CENPE: variants seen among roughly 807,000 people sequenced by gnomAD.
CENPE encodes centromere protein E.
Under a neutral mutation model 336.1 loss-of-function variants are expected in CENPE, and 145 were observed. The observed-to-expected ratio is 0.43, with a 90% CI of 0.38 to 0.50. The LOEUF is 0.50. Among genes scored for constraint, CENPE ranks in the 20% least tolerant of loss-of-function variants. The pLI, the probability that CENPE is intolerant of heterozygous loss-of-function variation, is 0.00. For synonymous variants in CENPE, 1,013 were observed against 984.8 expected (o/e 1.03, Z -0.54); for missense variants, 2,719 against 3,023.3 (o/e 0.90, Z 2.36).
chr4:103,180,903 T>C (rs1756274713), intron 12 of CENPE, among the ~76,000 whole-genome samples: 1 of 152,152 alleles, frequency 6.6e-6, no homozygotes. Flanking sequence ...CCATGATGGT[T>C]AAAACAAACT....
At chr4:103,151,137 A>T in intron 26 of CENPE, 82 bp downstream of exon 26, 1 of 1,300,218 alleles carries the variant, frequency 7.7e-7, no homozygotes. Context: ...CTATTTCTGG[A>T]TTTAGGTCTA....
intron 42 of CENPE, among the ~76,000 whole-genome samples, chr4:103,124,106 T>A (rs1253143941): frequency 6.6e-6 from 1 of 152,218 alleles, no homozygotes. Context: ...ATCATAGGTA[T>A]GGATGTATAG....
Position 103,182,863 on chromosome 4 carries a change from A to C in CENPE, c.862T>G (p.Leu288Val). Residue 288 changes from leucine (L) to valine (V), a missense_variant, in exon 11 of 49, where the codon TTA becomes GTA. Around this residue, in one of 5 missense-constraint regions of CENPE, gnomAD observed 117 missense variants for 215.8 expected, o/e 0.54. Transcript: ENST00000265148. ...GGFINYRDSK[L>V]TRILQNSLGG... ...AAGGAATTCTGGAGAATTCGTGTTA[A>C]CTTGCTATCTCGATAATTTATGAAA... 6.2e-7 allele frequency: 1 copy of C among 1,612,814 alleles called. No homozygotes were observed. The highest frequency in any genetic ancestry group is 1.7e-5 in the Admixed American group (1 of 59,960).
rs556526950 is a variant in CENPE, at chr4:103,195,801, A to G, written c.357+119T>C. On this transcript the variant is annotated intron_variant, in intron 4 of 48. Transcript: ENST00000265148. ...TGCCTTTCTTCTTTCCCCATGGATA[A>G]TCAAACAATAACTGTAAATCTACTT... 136 of 698,586 alleles carry G rather than the reference A, an allele frequency of 1.9e-4. 1 individual carries two copies. The South Asian group carries it at 2.2e-3, about 11-fold the overall frequency. The allele number at this position is 698,586 out of a possible 1,614,324, so 43.3% of individuals were successfully genotyped here.
chr4:103,177,608 G>T (rs112739628), intron 13 of CENPE, among the ~76,000 whole-genome samples: 47 of 152,130 alleles, frequency 3.1e-4, no homozygotes, highest in African/African-American at 1.1e-3. Context: ...TGAGTTGGGT[G>T]CCCAACAAGT....
At chr4:103,149,824 G>T (rs138128935) in intron 26 of CENPE, among the ~76,000 whole-genome samples, 82 of 152,266 alleles carry the variant, frequency 5.4e-4, no homozygotes, top group African/African-American at 1.8e-3. Flanking sequence ...AGTAAGGAAT[G>T]ATTCTTCCTT....
Position 103,145,620 on chromosome 4 carries a change from G to C in CENPE, c.4475C>G (p.Thr1492Ser). The C allele has an allele frequency of 1.2e-6, 2 of 1,609,556 alleles. No individual in the cohort carries two copies. Among genetic ancestry groups the C allele is most frequent in the South Asian group, 2.2e-5 (2 of 89,686 alleles). The change falls in exon 31 of 49, where the codon ACT becomes AGT. Residue 1492 changes from threonine to serine, a missense_variant. Transcript: ENST00000265148. Reference sequence around the variant, plus strand: ...AAGATTCACTCTTAACTCATTAATAGTTTCCTCTTGTTCTTTCAGGCAACA... The same window carrying C: ...AAGATTCACTCTTAACTCATTAATACTTTCCTCTTGTTCTTTCAGGCAACA... ...AHCCLKEQEE[T>S]INELRVNLSE...
rs1754346365 is a variant in CENPE at position 103,160,499 on chromosome 4, T to G, written c.2286+126A>C. On this transcript the variant is annotated intron_variant, in intron 21 of 48. Coordinates refer to ENST00000265148, the MANE Select transcript of CENPE (RefSeq NM_001813.3). Reference sequence around the variant, plus strand: ...TATATTCATTTCTATTTCTAACTAGTCAAAACGTTTACAGTATCTCTCTTG... The same window carrying G: ...TATATTCATTTCTATTTCTAACTAGGCAAAACGTTTACAGTATCTCTCTTG... 4.4e-6 allele frequency: 3 copies of G among 676,764 alleles called. No homozygotes were observed. In the South Asian group the frequency reaches 7.4e-5, roughly 17 times the overall value. 41.9% of individuals were successfully genotyped at this position (676,764 alleles called of 1,614,324 possible). A position where few individuals can be genotyped will look rare whatever the true frequency, so the allele number is the denominator to read the frequency against.
At chr4:103,167,553 A>T (rs1043196210) in intron 16 of CENPE, among the ~76,000 whole-genome samples, 5 of 152,230 alleles carry the variant, frequency 3.3e-5, no homozygotes, top group Admixed American at 6.5e-5. Flanking sequence ...GATGTCAAGA[A>T]GATGACAGAA....
In CENPE at chr4:103,176,060, G is replaced by T; in HGVS notation, c.1391-12C>A. ...CTCTGAACAGACAGCTATAATTAGA[G>T]AAAAAAAAAATTTGTCCATGAACAT... On this transcript the variant is annotated splice_polypyrimidine_tract_variant and intron_variant, in intron 14 of 48. Transcript: ENST00000265148. 1 of 1,439,342 alleles carries T rather than the reference G, an allele frequency of 6.9e-7. No individual in the cohort carries two copies. Among genetic ancestry groups the T allele is most frequent in the Non-Finnish European group, 9.3e-7 (1 of 1,069,796 alleles). The allele number at this position is 1,439,342 out of a possible 1,614,324, so 89.2% of individuals were successfully genotyped here. A position where few individuals can be genotyped will look rare whatever the true frequency, so the allele number is the denominator to read the frequency against.
intron 9 of CENPE, among the ~76,000 whole-genome samples, chr4:103,183,943 G>A (rs915460840): frequency 6.6e-6 from 1 of 151,708 alleles, no homozygotes; most frequent in African/African-American, 2.4e-5. Flanking sequence ...TTTCCATATC[G>A]GTAAACACTG....
At position 103,142,268 on chromosome 4, in the gene CENPE, C is replaced by T. The variant is rs540079880; in HGVS notation, c.5305-360G>A. On this transcript the variant is annotated intron_variant, in intron 34 of 48. Transcript: ENST00000265148. Reference sequence around the variant, plus strand: ...TACGTTGTGTTTGTATATACACACACACTCCTTTAACAGTATATATGTAGG... The same window carrying T: ...TACGTTGTGTTTGTATATACACACATACTCCTTTAACAGTATATATGTAGG... 3.3e-5 allele frequency among the ~76,000 whole-genome samples: 5 copies of T among 152,266 alleles called. No homozygotes were observed. In the East Asian group the frequency reaches 9.6e-4, roughly 29 times the overall value.
At chr4:103,120,445 A>G in intron 43 of CENPE, 112 bp from the exon 44 acceptor site, 1 of 836,648 alleles carries the variant, frequency 1.2e-6, no homozygotes, top group Non-Finnish European at 1.8e-6. Flanking sequence ...CACAGATTGT[A>G]TTAACAATGG....
intron 9 of CENPE, among the ~76,000 whole-genome samples, chr4:103,185,522 G>T (rs921546163): frequency 5.3e-5 from 8 of 151,766 alleles, no homozygotes; most frequent in African/African-American, 1.9e-4. Context: ...TATTTTGAAA[G>T]TTTAAATGGT....
At chr4:103,122,496 G>A (rs923514756) in intron 43 of CENPE, among the ~76,000 whole-genome samples, 4 of 152,086 alleles carry the variant, frequency 2.6e-5, no homozygotes, top group Non-Finnish European at 5.9e-5. Context: ...AATGAGAAAA[G>A]CTGAATTGCT....
At position 103,156,684 on chromosome 4, in the gene CENPE, G is replaced by C. The variant is rs143919593; in HGVS notation, c.3033+1616C>G. 6.6e-5 allele frequency among the ~76,000 whole-genome samples: 10 copies of C among 152,110 alleles called. No individual in the cohort carries two copies. In the East Asian group the frequency reaches 1.9e-3, roughly 29 times the overall value. The stretch of plus-strand genomic sequence containing the variant: ...TAAGGGTCTTGGCAATGATTTCTTG[G>C]ATATGACACCAAAACACAGGCAACA... On this transcript the variant is annotated intron_variant, in intron 24 of 48. Transcript: ENST00000265148.
intron 8 of CENPE, among the ~76,000 whole-genome samples, chr4:103,192,003 GGCAGAGGAGACT>G (rs1212061747): frequency 6.6e-6 from 1 of 152,038 alleles, no homozygotes; most frequent in Non-Finnish European, 1.5e-5. Context: ...TTAGGGAGGT[GGCAGAGGAGACT>G]GCTTGTAAGA....
intron 16 of CENPE, among the ~76,000 whole-genome samples, chr4:103,172,701 G>A (rs1755512889): frequency 6.6e-6 from 1 of 151,798 alleles, no homozygotes; most frequent in Non-Finnish European, 1.5e-5. Context: ...AAACCCTAAG[G>A]ACTCCATCCA....
intron 21 of CENPE, among the ~76,000 whole-genome samples, chr4:103,159,892 A>T (rs938893077): frequency 5.9e-5 from 9 of 151,930 alleles, no homozygotes; most frequent in African/African-American, 1.4e-4. Context: ...ACTGTGAAAG[A>T]TAAGGGCAGA....
Sources: gnomAD v4.1 joint callset for allele counts (sites outside exome capture counted in the v4.1 genomes callset) on GRCh38, gnomAD v4.1.1 for gene constraint, gnomAD v4.1.1 regional missense constraint, MANE v1.5 for transcripts, NCBI Gene and HGNC (gene_info 2026-07-23, HGNC 2026-07-21) for gene names.